Variants in CYP19A1 observed in about 807,000 individuals in gnomAD.
CYP19A1 encodes cytochrome P450 family 19 subfamily A member 1.
A neutral mutation model predicts 44.4 loss-of-function variants in CYP19A1; 32 were observed. That is an observed-to-expected ratio of 0.72 (90% CI 0.54 to 0.97). The LOEUF (loss-of-function observed/expected upper bound fraction) is 0.97. Among genes scored for constraint, CYP19A1 ranks in the 50% least tolerant of loss-of-function variants. The probability of loss-of-function intolerance (pLI) is 0.00; values close to 1 mark genes in which losing one functional copy is unlikely to be tolerated. For missense variants in CYP19A1, 598 were observed against 637.8 expected (o/e 0.94, Z 0.67); for synonymous variants, 212 against 215.6 (o/e 0.98, Z 0.14).
intron 1 of CYP19A1, among the ~76,000 whole-genome samples, chr15:51,249,497 G>A (rs2034215356): frequency 6.6e-6 from 1 of 152,128 alleles, no homozygotes. Context: ...GACTGCCAAG[G>A]CACTATATAA....
chr15:51,323,985 T>C (rs148546846), intron 1 of CYP19A1: 6 of 152,330 alleles, frequency 3.9e-5, no homozygotes, highest in African/African-American at 7.2e-5. Context: ...GTGTGGAGTT[T>C]TCTACGTCAT....
chr15:51,212,757 A>G (rs955681651), intron 8 of CYP19A1, among the ~76,000 whole-genome samples, 196 bp from the exon 9 acceptor site: 1 of 152,238 alleles, frequency 6.6e-6, no homozygotes, highest in African/African-American at 2.4e-5. Flanking sequence ...AAATTCAGAT[A>G]TGAAGCCAAT....
chr15:51,310,356 C>T (rs1298553300), intron 1 of CYP19A1, among the ~76,000 whole-genome samples: 1 of 152,130 alleles, frequency 6.6e-6, no homozygotes, highest in Non-Finnish European at 1.5e-5. Context: ...TGGCTTTGGC[C>T]CAAGGGTGAG....
At position 51,287,436 on chromosome 15, in the gene CYP19A1, T is replaced by C. The variant is rs139365799; in HGVS notation, c.-38-44486A>G. Reference sequence around the variant, plus strand: ...GCCCGGAAACAGAGCCCACTTGAATTTGGGGCTTCTTCACACCAGGCTGTC... The same window carrying C: ...GCCCGGAAACAGAGCCCACTTGAATCTGGGGCTTCTTCACACCAGGCTGTC... On this transcript the variant is annotated intron_variant, in intron 1 of 9. Coordinates refer to ENST00000396402, the MANE Select transcript of CYP19A1 (RefSeq NM_000103.4). Among the ~76,000 whole-genome samples, 501 of 152,276 alleles carry C rather than the reference T, an allele frequency of 3.3e-3. 4 individuals are homozygous for C. Among genetic ancestry groups the C allele is most frequent in the African/African-American group, 0.011 (474 of 41,554 alleles).
chr15:51,309,335 G>A (rs1422557332), intron 1 of CYP19A1, among the ~76,000 whole-genome samples: 3 of 152,198 alleles, frequency 2.0e-5, no homozygotes, highest in African/African-American at 7.2e-5. Flanking sequence ...ATAAATGTTT[G>A]TTGGTTAAGC....
chr15:51,258,809 CTT>C (rs1212120172), intron 1 of CYP19A1, among the ~76,000 whole-genome samples: 2 of 152,168 alleles, frequency 1.3e-5, no homozygotes, highest in South Asian at 2.1e-4. Context: ...TTAGAGAAGA[CTT>C]TTCTTTTTAA....
chr15:51,227,855 G>T lies in CYP19A1; in HGVS notation c.375C>A (p.Ile125=). The stretch of plus-strand genomic sequence containing the variant: ...ATATGATGCCTTTCTCATGCATACC[G>T]ATGCACTGCAGCCCAAGTTTGCTGC... The part of the protein sequence containing the change: ...RFGSKLGLQC[I]GMHEKGIIFN... Residue 125 remains isoleucine (I), a synonymous_variant, in exon 4 of 10, where the codon ATC becomes ATA. Coordinates refer to ENST00000396402, the MANE Select transcript of CYP19A1 (RefSeq NM_000103.4). 6.6e-7 allele frequency: 1 copy of T among 1,519,424 alleles called. No homozygotes were observed. Among genetic ancestry groups the T allele is most frequent in the Non-Finnish European group, 9.1e-7 (1 of 1,093,780 alleles). The allele number at this position is 1,519,424 out of a possible 1,614,324, so 94.1% of individuals were successfully genotyped here. A position where few individuals can be genotyped will look rare whatever the true frequency, so the allele number is the denominator to read the frequency against.
chr15:51,328,405 CT>C (rs1184137201), intron 1 of CYP19A1, among the ~76,000 whole-genome samples: 11 of 152,174 alleles, frequency 7.2e-5, no homozygotes, highest in African/African-American at 1.2e-4. Context: ...ACATCCCCCC[CT>C]ACCCATCCAC....
At chr15:51,321,371 C>A (rs1375707653) in intron 1 of CYP19A1, among the ~76,000 whole-genome samples, 2 of 152,164 alleles carry the variant, frequency 1.3e-5, no homozygotes, top group African/African-American at 4.8e-5. Context: ...CCTGTGCTCA[C>A]CCTGCTCCCT....
At chr15:51,224,023 T>G (rs544140053) in intron 4 of CYP19A1, among the ~76,000 whole-genome samples, 2 of 152,302 alleles carry the variant, frequency 1.3e-5, no homozygotes, top group South Asian at 4.2e-4. Context: ...ATGATTTAAT[T>G]TTTAAAATAT....
chr15:51,310,511 GAC>G (rs1363611432), intron 1 of CYP19A1, among the ~76,000 whole-genome samples: 1 of 152,138 alleles, frequency 6.6e-6, no homozygotes, highest in African/African-American at 2.4e-5. Flanking sequence ...TCTCAGCTTG[GAC>G]ACACAGTCAG....
chr15:51,215,211 C>T lies in CYP19A1; in HGVS notation c.880G>A (p.Glu294Lys). Residue 294 changes from glutamate to lysine, a missense_variant, in exon 8 of 10, where the codon GAG becomes AAG. Coordinates refer to ENST00000396402, the MANE Select transcript of CYP19A1 (RefSeq NM_000103.4). ...LAEKRGDLTR[E>K]NVNQCILEML... ...TCCAATATGCACTGGTTCACATTCT[C>T]TCTTGTCAGGTCACCACGTTTCTGA... The T allele has an allele frequency of 6.2e-7, 1 of 1,614,058 alleles. No individual in the cohort carries two copies. The highest frequency in any genetic ancestry group is 8.5e-7 in the Non-Finnish European group (1 of 1,179,992).
intron 1 of CYP19A1, among the ~76,000 whole-genome samples, chr15:51,254,666 CTGTT>C (rs989300016): frequency 2.0e-4 from 30 of 152,144 alleles, no homozygotes; most frequent in African/African-American, 7.0e-4. Context: ...AGTTTGTCAT[CTGTT>C]TGTCCTTTCG....
chr15:51,313,838 T>C (rs971216562), intron 1 of CYP19A1, among the ~76,000 whole-genome samples: 6 of 151,610 alleles, frequency 4.0e-5, no homozygotes, highest in African/African-American at 1.2e-4. Context: ...CAAGAGCAGG[T>C]TGGGAAAGGG....
Position 51,242,873 on chromosome 15 carries a change from T to C in CYP19A1, c.40A>G (p.Thr14Ala). The C allele has an allele frequency of 6.2e-7, 1 of 1,609,318 alleles. No homozygotes were observed. Among genetic ancestry groups the C allele is most frequent in the Non-Finnish European group, 8.5e-7 (1 of 1,175,644 alleles). The change falls in exon 2 of 10, where the codon ACC (threonine) becomes GCC (alanine). Residue 14 changes from threonine to alanine, a missense_variant. By Grantham distance (58) the Thr-to-Ala change is moderately conservative. Coordinates refer to ENST00000396402, the MANE Select transcript of CYP19A1 (RefSeq NM_000103.4). ...EMLNPIHYNITSIVPEAMPAA... is the reference protein window; with the variant it reads ...EMLNPIHYNIASIVPEAMPAA... Reference sequence around the variant, plus strand: ...GGCATGGCTTCAGGCACGATGCTGGTGATGTTATAATGTATCGGGTTCAGC... The same window carrying C: ...GGCATGGCTTCAGGCACGATGCTGGCGATGTTATAATGTATCGGGTTCAGC...
intron 1 of CYP19A1, among the ~76,000 whole-genome samples, chr15:51,326,546 T>A (rs995169614): frequency 2.6e-5 from 4 of 152,240 alleles, no homozygotes; most frequent in Non-Finnish European, 5.9e-5. Context: ...TTTATCAGAT[T>A]TGTCCAAAAT....
intron 4 of CYP19A1, among the ~76,000 whole-genome samples, chr15:51,223,811 G>C (rs956268815): frequency 1.3e-5 from 2 of 152,096 alleles, no homozygotes; most frequent in Non-Finnish European, 2.9e-5. Flanking sequence ...CCAGGATGTT[G>C]TTCTCTGGGT....
At chr15:51,220,938 T>C (rs2032017133) in intron 5 of CYP19A1, among the ~76,000 whole-genome samples, 1 of 151,978 alleles carries the variant, frequency 6.6e-6, no homozygotes, top group Admixed American at 6.5e-5. Context: ...AAATGATTAA[T>C]GTTTGTTTTT....
chr15:51,234,539 AAT>A (rs1266054466), intron 3 of CYP19A1, among the ~76,000 whole-genome samples: 1 of 152,148 alleles, frequency 6.6e-6, no homozygotes, highest in Non-Finnish European at 1.5e-5. Context: ...CTAGCATCGA[AAT>A]ATCTAGTATC....
Sources: allele counts gnomAD v4.1 joint callset (sites outside exome capture counted in the v4.1 genomes callset), GRCh38; gene constraint gnomAD v4.1.1; transcripts MANE v1.5; gene names NCBI Gene and HGNC (gene_info 2026-07-23, HGNC 2026-07-21).